Variants in GALNT13 observed in about 807,000 individuals in gnomAD.
GALNT13 encodes polypeptide N-acetylgalactosaminyltransferase 13, also known as UDP-GalNAc:polypeptide N-acetylgalactosaminyltransferase 13.
GALNT13 carries 28 observed loss-of-function variants against 64.2 expected under a neutral mutation model. The ratio of observed to expected loss-of-function variants is 0.44; its 90% confidence interval spans 0.32 to 0.60. The LOEUF (loss-of-function observed/expected upper bound fraction) is 0.60, where lower values mean the gene tolerates loss of function less well. GALNT13 is among the 20% of genes least tolerant of loss of function. GALNT13 has a pLI of 0.05. For synonymous variants in GALNT13, 214 were observed against 224.6 expected (o/e 0.95, Z 0.42); for missense variants, 577 against 669.8 (o/e 0.86, Z 1.53).
intron 3 of GALNT13, among the ~76,000 whole-genome samples, chr2:154,121,455 A>G (rs544552166): frequency 2.0e-5 from 3 of 152,212 alleles, no homozygotes; most frequent in East Asian, 1.9e-4. Flanking sequence ...ATCCATGAAA[A>G]CACTATTTCT....
the GALNT13 span, among the ~76,000 whole-genome samples, chr2:153,604,662 C>T: frequency 6.6e-6 from 1 of 151,922 alleles, no homozygotes; most frequent in African/African-American, 2.4e-5. Flanking sequence ...ATGTGTGGCT[C>T]CTTCAGTTAT....
the GALNT13 span, among the ~76,000 whole-genome samples, chr2:153,720,627 G>A: frequency 2.9e-3 from 435 of 151,708 alleles, 3 homozygotes; most frequent in African/African-American, 9.9e-3. Flanking sequence ...GGAGCTGATC[G>A]AGCTGAAAAC....
chr2:153,155,870 A>G, the GALNT13 span, among the ~76,000 whole-genome samples: 1 of 152,138 alleles, frequency 6.6e-6, no homozygotes, highest in Non-Finnish European at 1.5e-5. Context: ...GTGGGCATTT[A>G]ATGCTATAAA....
the GALNT13 span, chr2:153,478,083 G>C: frequency 1.5e-6 from 1 of 649,226 alleles, no homozygotes; most frequent in Non-Finnish European, 2.6e-6. Context: ...GAGGGCGAGG[G>C]AGAAACCGGT....
At chr2:154,381,717 C>T (rs1213767800) in intron 9 of GALNT13, among the ~76,000 whole-genome samples, 2 of 152,068 alleles carry the variant, frequency 1.3e-5, no homozygotes, top group African/African-American at 2.4e-5. Context: ...ATTTCCAAGC[C>T]TCAGGTTATT....
At chr2:154,304,983 C>A (rs1030976057) in intron 9 of GALNT13, among the ~76,000 whole-genome samples, 1 of 152,086 alleles carries the variant, frequency 6.6e-6, no homozygotes, top group African/African-American at 2.4e-5. Context: ...ACCTGAAACA[C>A]AAAACAATGA....
At chr2:154,360,568 T>C (rs1163928045) in intron 9 of GALNT13, among the ~76,000 whole-genome samples, 3 of 152,206 alleles carry the variant, frequency 2.0e-5, no homozygotes, top group Admixed American at 6.6e-5. Context: ...TATTTTTGTT[T>C]TGCTACTGGA....
At chr2:153,224,471 C>T in the GALNT13 span, among the ~76,000 whole-genome samples, 1 of 139,226 alleles carries the variant, frequency 7.2e-6, no homozygotes, top group Non-Finnish European at 1.5e-5. Context: ...CCATGTACCC[C>T]CTGAATCTAA....
chr2:153,426,568 T>C, the GALNT13 span, among the ~76,000 whole-genome samples: 20 of 152,172 alleles, frequency 1.3e-4, no homozygotes, highest in East Asian at 3.9e-3. Flanking sequence ...GTAGTCATTT[T>C]ATTTACATCA....
At chr2:153,540,907 C>A in the GALNT13 span, among the ~76,000 whole-genome samples, 14 of 152,136 alleles carry the variant, frequency 9.2e-5, no homozygotes, top group Non-Finnish European at 2.1e-4. Flanking sequence ...AAGGGACTTG[C>A]CTTGTCTCAG....
At chr2:153,852,354 G>C in the GALNT13 span, among the ~76,000 whole-genome samples, 1 of 152,062 alleles carries the variant, frequency 6.6e-6, no homozygotes, top group Non-Finnish European at 1.5e-5. Context: ...AGATAAAGTG[G>C]ATTACCAAGT....
chr2:154,021,747 G>T (rs1342417671), intron 3 of GALNT13, among the ~76,000 whole-genome samples: 1 of 151,588 alleles, frequency 6.6e-6, no homozygotes, highest in Non-Finnish European at 1.5e-5. Context: ...TGTTGAATAG[G>T]AGTGGTGAGA....
At position 154,331,552 on chromosome 2, in the gene GALNT13, A is replaced by C. The variant is rs140886033; in HGVS notation, c.1156+29963A>C. 9.5e-3 allele frequency among the ~76,000 whole-genome samples: 1,448 copies of C among 152,122 alleles called. 24 individuals are homozygous for C. Among genetic ancestry groups the C allele is most frequent in the African/African-American group, 0.033 (1,363 of 41,512 alleles). The stretch of plus-strand genomic sequence containing the variant: ...AACTCTTAGCCACAAGTTCTACCTT[A>C]GCCTTCCAAAGTGCTAGGATGACAG... On this transcript the variant is annotated intron_variant, in intron 9 of 12. Transcript: ENST00000392825.
intron 3 of GALNT13, among the ~76,000 whole-genome samples, chr2:153,970,576 A>T (rs1693672241): frequency 6.6e-6 from 1 of 152,196 alleles, no homozygotes; most frequent in Non-Finnish European, 1.5e-5. Flanking sequence ...TTCAAACTTT[A>T]CATAGCCATG....
the GALNT13 span, among the ~76,000 whole-genome samples, chr2:153,238,006 T>C: frequency 2.0e-5 from 3 of 151,984 alleles, no homozygotes; most frequent in South Asian, 6.2e-4. Context: ...TTTTTGCCTG[T>C]TTTTTGGATA....
At chr2:153,351,742 C>G in the GALNT13 span, among the ~76,000 whole-genome samples, 9 of 152,290 alleles carry the variant, frequency 5.9e-5, no homozygotes, top group African/African-American at 2.2e-4. Context: ...GCCTTGTTCA[C>G]TTAGTAATAT....
chr2:153,361,424 T>C, the GALNT13 span, among the ~76,000 whole-genome samples: 1 of 151,636 alleles, frequency 6.6e-6, no homozygotes, highest in African/African-American at 2.4e-5. Flanking sequence ...CAAATTCTGT[T>C]GAGCTAAAGG....
the GALNT13 span, chr2:153,173,415 GA>G: frequency 1.3e-5 from 2 of 152,294 alleles, no homozygotes; most frequent in Admixed American, 6.5e-5. Flanking sequence ...CTGGGAGGGG[GA>G]CATAGTTTTG....
chr2:153,288,168 G>T, the GALNT13 span, among the ~76,000 whole-genome samples: 1 of 152,196 alleles, frequency 6.6e-6, no homozygotes, highest in African/African-American at 2.4e-5. Context: ...GCAAAGATTT[G>T]CTTGTTGCAG....
Sources: gnomAD v4.1 joint callset for allele counts (sites outside exome capture counted in the v4.1 genomes callset) on GRCh38, gnomAD v4.1.1 for gene constraint, MANE v1.5 for transcripts, NCBI Gene and HGNC (gene_info 2026-07-23, HGNC 2026-07-21) for gene names.